The following CHST1 variants were observed in gnomAD, a reference collection of about 807,000 sequenced individuals.
CHST1 encodes the protein carbohydrate sulfotransferase 1, also known as Keratan sulfotransferase.
CHST1 carries 10 observed loss-of-function variants against 22.5 expected under a neutral mutation model. The ratio of observed to expected loss-of-function variants is 0.44; its 90% confidence interval spans 0.27 to 0.75. The LOEUF (loss-of-function observed/expected upper bound fraction) is 0.75, where lower values mean the gene tolerates loss of function less well. CHST1 is among the 30% of genes least tolerant of loss of function. CHST1 has a pLI of 0.15. For missense variants in CHST1, 439 were observed against 576.1 expected (o/e 0.76, Z 2.44); for synonymous variants, 267 against 264.5 (o/e 1.01, Z -0.09).
At chr11:45,664,614 G>A (rs1338030341) in intron 1 of CHST1, among the ~76,000 whole-genome samples, 1 of 152,264 alleles carries the variant, frequency 6.6e-6, no homozygotes, top group Non-Finnish European at 1.5e-5. Context: ...AGAAGAGCGG[G>A]AGGGTTGTTC....
rs1393941999 is a variant in CHST1, at chr11:45,648,165, G to C, written c.*1523C>G. 6.6e-6 allele frequency among the ~76,000 whole-genome samples: 1 copy of C among 152,072 alleles called. No homozygotes were observed. Among genetic ancestry groups the C allele is most frequent in the African/African-American group, 2.4e-5 (1 of 41,404 alleles). On this transcript the variant is annotated 3_prime_UTR_variant, in exon 4 of 4. Transcript: ENST00000308064. Reference sequence around the variant, plus strand: ...ATAGTCAAATACTTCCAGGTCTGTGGGTCAGCAGCCACTGCCCTGAGGCAC... The same window carrying C: ...ATAGTCAAATACTTCCAGGTCTGTGCGTCAGCAGCCACTGCCCTGAGGCAC...
chr11:45,664,563 C>T (rs959047726), intron 1 of CHST1, among the ~76,000 whole-genome samples: 2 of 152,214 alleles, frequency 1.3e-5, no homozygotes, highest in Non-Finnish European at 2.9e-5. Flanking sequence ...AGCACTGGGT[C>T]CCTGGAGCCT....
In CHST1 at chr11:45,650,213, G is replaced by GC; in HGVS notation, c.710dup (p.Gly238ArgfsTer191). On this transcript the variant is annotated frameshift_variant, in exon 4 of 4. Coordinates refer to ENST00000308064, the MANE Select transcript of CHST1 (RefSeq NM_003654.6). LOFTEE classifies it high-confidence loss of function. ...TCTCGCTGCGCGAAGCCAGAATGCCGCGGGGGTCTCGGACCAGCTGGATGA... is the reference window on the plus strand; with the variant it reads ...TCTCGCTGCGCGAAGCCAGAATGCCGCCGGGGGTCTCGGACCAGCTGGATGA... The GC allele has an allele frequency of 6.2e-7, 1 of 1,610,634 alleles. No homozygotes were observed. The highest frequency in any genetic ancestry group is 8.5e-7 in the Non-Finnish European group (1 of 1,179,962).
chr11:45,653,663 T>C (rs1852026727), intron 1 of CHST1, among the ~76,000 whole-genome samples: 1 of 152,266 alleles, frequency 6.6e-6, no homozygotes, highest in African/African-American at 2.4e-5. Context: ...GTCTGTTCTT[T>C]GGCTGCAGCA....
At chr11:45,657,959 T>C (rs1852083109) in intron 1 of CHST1, among the ~76,000 whole-genome samples, 1 of 152,120 alleles carries the variant, frequency 6.6e-6, no homozygotes, top group Non-Finnish European at 1.5e-5. Context: ...TGGAGAGCAA[T>C]TGGTCTACCG....
intron 1 of CHST1, among the ~76,000 whole-genome samples, chr11:45,662,188 C>A (rs993385470): frequency 6.6e-6 from 1 of 152,206 alleles, no homozygotes; most frequent in Non-Finnish European, 1.5e-5. Context: ...TGGCCTGCCC[C>A]ACCCCAACCC....
At chr11:45,661,213 G>A (rs1200116514) in intron 1 of CHST1, among the ~76,000 whole-genome samples, 1 of 152,206 alleles carries the variant, frequency 6.6e-6, no homozygotes, top group African/African-American at 2.4e-5. Flanking sequence ...AATAGCAGGA[G>A]GGGGCAGGTC....
intron 1 of CHST1, among the ~76,000 whole-genome samples, chr11:45,658,195 C>T (rs946452128): frequency 2.6e-5 from 4 of 152,148 alleles, no homozygotes; most frequent in African/African-American, 9.7e-5. Context: ...AGCTATGAGG[C>T]CTTGCGTGAG....
chr11:45,663,614 AC>A (rs2120351706), intron 1 of CHST1, among the ~76,000 whole-genome samples: 2 of 152,102 alleles, frequency 1.3e-5, no homozygotes, highest in African/African-American at 4.8e-5. Flanking sequence ...GATTTTGAAG[AC>A]CCAGCAGAGT....
In CHST1 at chr11:45,650,104, T is replaced by C. The variant is rs1444972538; in HGVS notation, c.820A>G (p.Thr274Ala). 6.2e-7 allele frequency: 1 copy of C among 1,613,892 alleles called. No individual in the cohort carries two copies. The highest frequency in any genetic ancestry group is 8.5e-7 in the Non-Finnish European group (1 of 1,180,018). The change falls in exon 4 of 4, where the codon ACG becomes GCG. Residue 274 changes from threonine (T) to alanine (A), a missense_variant. Transcript: ENST00000308064. Reference protein sequence around the residue: ...PYNLDVTQLTTVCEDFSNSVS... With the variant: ...PYNLDVTQLTAVCEDFSNSVS... Reference sequence around the variant, plus strand: ...GAGTTGGAGAAGTCCTCGCACACCGTGGTCAGCTGCGTCACGTCCAGGTTG... The same window carrying C: ...GAGTTGGAGAAGTCCTCGCACACCGCGGTCAGCTGCGTCACGTCCAGGTTG...
At chr11:45,664,516 C>T (rs1034651038) in intron 1 of CHST1, among the ~76,000 whole-genome samples, 5 of 152,236 alleles carry the variant, frequency 3.3e-5, no homozygotes, top group Non-Finnish European at 7.3e-5. Context: ...GCCCAGCATC[C>T]CAGCTAGGGT....
chr11:45,659,080 G>T (rs1468033753), intron 1 of CHST1, among the ~76,000 whole-genome samples: 1 of 152,172 alleles, frequency 6.6e-6, no homozygotes, highest in Non-Finnish European at 1.5e-5. Flanking sequence ...CTGTCACATG[G>T]GATGGAGGAG....
intron 1 of CHST1, among the ~76,000 whole-genome samples, chr11:45,655,899 C>T (rs1363939284): frequency 6.6e-6 from 1 of 152,234 alleles, no homozygotes; most frequent in Non-Finnish European, 1.5e-5. Flanking sequence ...TTCTCAGGGA[C>T]AGTTGGGGCC....
At chr11:45,652,923 A>G (rs1234446522) in intron 1 of CHST1, among the ~76,000 whole-genome samples, 1 of 152,216 alleles carries the variant, frequency 6.6e-6, no homozygotes. Flanking sequence ...CTGTTCCTCC[A>G]GCTTAAACAT....
In CHST1 at chr11:45,649,566, G is replaced by A; in HGVS notation, c.*122C>T. On this transcript the variant is annotated 3_prime_UTR_variant, in exon 4 of 4. Coordinates refer to ENST00000308064, the MANE Select transcript of CHST1 (RefSeq NM_003654.6). ...GGGCAGAAGGGAGTGGGGTGAGCTG[G>A]GGGCAGGAAGGACACGAAGATGAGG... is the stretch of plus-strand genomic sequence containing the variant. 9.7e-7 allele frequency: 1 copy of A among 1,034,268 alleles called. No individual in the cohort carries two copies. Among genetic ancestry groups the A allele is most frequent in the Admixed American group, 2.3e-5 (1 of 42,666 alleles). The allele number at this position is 1,034,268 out of a possible 1,614,324, so 64.1% of individuals were successfully genotyped here.
rs78452006 is a variant in CHST1 at position 45,653,693 on chromosome 11, T to C, written c.-226-1087A>G. Among the ~76,000 whole-genome samples the C allele has an allele frequency of 3.1e-3, 478 of 152,360 alleles. 3 individuals are homozygous for C. The highest frequency in any genetic ancestry group is 0.011 in the African/African-American group (448 of 41,578). ...GCAGCATCATTTCATTTGGATACGC[T>C]TCCTTTGTATTTATTCACAGACATC... On this transcript the variant is annotated intron_variant, in intron 1 of 3. Coordinates refer to ENST00000308064, the MANE Select transcript of CHST1 (RefSeq NM_003654.6).
chr11:45,655,265 A>G (rs756467629), intron 1 of CHST1, among the ~76,000 whole-genome samples: 7 of 152,226 alleles, frequency 4.6e-5, no homozygotes, highest in South Asian at 2.1e-4. Flanking sequence ...AATTAATATC[A>G]TCATCACCAA....
At position 45,650,933 on chromosome 11, in the gene CHST1, C is replaced by A; in HGVS notation, c.-10G>T. The A allele has an allele frequency of 6.6e-7, 1 of 1,523,358 alleles. No homozygotes were observed. Among genetic ancestry groups the A allele is most frequent in the Non-Finnish European group, 8.8e-7 (1 of 1,136,872 alleles). The allele number at this position is 1,523,358 out of a possible 1,614,324, so 94.4% of individuals were successfully genotyped here. On this transcript the variant is annotated 5_prime_UTR_variant, in exon 4 of 4. Transcript: ENST00000308064. ...TCCAGGAACATTGCATGGCTGGGCA[C>A]CTTCATGGGGCTGCTTCTCCAAGGG...
chr11:45,653,226 A>T (rs1388451499), intron 1 of CHST1, among the ~76,000 whole-genome samples: 1 of 151,828 alleles, frequency 6.6e-6, no homozygotes. Context: ...GCACTGTGTT[A>T]TTCCCTATAA....
Sources: allele counts gnomAD v4.1 joint callset (sites outside exome capture counted in the v4.1 genomes callset), GRCh38; gene constraint gnomAD v4.1.1; transcripts MANE v1.5; gene names NCBI Gene and HGNC (gene_info 2026-07-23, HGNC 2026-07-21).